The following DLG4 variants were observed in gnomAD, a reference collection of about 807,000 sequenced individuals.
The protein encoded by DLG4 is disks large homolog 4.
DLG4 carries 7 observed loss-of-function variants against 93.8 expected under a neutral mutation model. That is an observed-to-expected ratio of 0.07 (90% confidence interval 0.04 to 0.14). DLG4 has a LOEUF of 0.14. Among genes scored for constraint, DLG4 ranks in the 10% least tolerant of loss-of-function variants. DLG4 has a pLI of 1.00. For missense variants in DLG4, 545 were observed against 992.9 expected (o/e 0.55, Z 6.06); for synonymous variants, 341 against 387.6 (o/e 0.88, Z 1.41).
At position 7,191,882 on chromosome 17, in the gene DLG4, AC is replaced by A; in HGVS notation, c.1976+10del. On this transcript the variant is annotated intron_variant, in intron 18 of 19. Coordinates refer to ENST00000399506, the MANE Select transcript of DLG4 (RefSeq NM_001321075.3). This position sits in a 1 kb window ranked among gnomAD's most constrained non-coding sequence, Gnocchi z 6.6. Reference sequence around the variant, plus strand: ...GGGGAGCAAAGGGGAGGCCCCCAGGACCATACTCACAGCACATTCTCCAGGG... The same window carrying A: ...GGGGAGCAAAGGGGAGGCCCCCAGGACATACTCACAGCACATTCTCCAGGG... 1.4e-6 allele frequency: 2 copies of A among 1,460,664 alleles called. No homozygotes were observed. Among genetic ancestry groups the A allele is most frequent in the South Asian group, 1.5e-5 (1 of 65,810 alleles). The allele number at this position is 1,460,664 out of a possible 1,614,324, so 90.5% of individuals were successfully genotyped here.
rs1395359044 is a variant in DLG4, at chr17:7,203,051, G to A, written c.643-4C>T. 6.3e-7 allele frequency: 1 copy of A among 1,598,498 alleles called. No homozygotes were observed. The highest frequency in any genetic ancestry group is 1.3e-5 in the African/African-American group (1 of 74,688). ...CCTCTAGCCCCACACTGTTGACCTG[G>A]AGTCAAGGAAAGCAAAGCTCAGACA... On this transcript the variant is annotated splice_polypyrimidine_tract_variant and splice_region_variant and intron_variant, in intron 7 of 19. Coordinates refer to ENST00000399506, the MANE Select transcript of DLG4 (RefSeq NM_001321075.3). This position sits in a 1 kb window ranked among gnomAD's most constrained non-coding sequence, Gnocchi z 7.2.
rs1337726818 is a variant in DLG4, at chr17:7,217,397, C to T, written c.-250G>A. The T allele has an allele frequency of 2.0e-5, 6 of 301,800 alleles. No individual in the cohort carries two copies. The highest frequency in any genetic ancestry group is 8.7e-5 in the Admixed American group (1 of 11,548). The allele number at this position is 301,800 out of a possible 1,614,324, so 18.7% of individuals were successfully genotyped here. A position where few individuals can be genotyped will look rare whatever the true frequency, so the allele number is the denominator to read the frequency against. On this transcript the variant is annotated 5_prime_UTR_variant, in exon 1 of 20. Coordinates refer to ENST00000399506, the MANE Select transcript of DLG4 (RefSeq NM_001321075.3). ...GGGAGGGGGCTTGGGGAGCACACCCCGATTCTCAGGAGGGGCGGGGGCACC... is the reference window on the plus strand; with the variant it reads ...GGGAGGGGGCTTGGGGAGCACACCCTGATTCTCAGGAGGGGCGGGGGCACC...
chr17:7,208,683 T>C lies in DLG4; in HGVS notation c.31-444A>G, dbSNP rs998902483. 2.0e-5 allele frequency among the ~76,000 whole-genome samples: 3 copies of C among 151,894 alleles called. No individual in the cohort carries two copies. The highest frequency in any genetic ancestry group is 2.9e-5 in the Non-Finnish European group (2 of 67,952). ...TCTCTCACCATCTCAGACTCACTCT[T>C]GTTCTAGCCTCCCCTCCCCTACCCC... On this transcript the variant is annotated intron_variant, in intron 1 of 19. Coordinates refer to ENST00000399506, the MANE Select transcript of DLG4 (RefSeq NM_001321075.3). This position sits in a 1 kb window ranked among gnomAD's most constrained non-coding sequence, Gnocchi z 5.4.
rs1251170853 is a variant in DLG4, at chr17:7,195,077, C to T, written c.1302-582G>A. On this transcript the variant is annotated intron_variant, in intron 11 of 19. Coordinates refer to ENST00000399506, the MANE Select transcript of DLG4 (RefSeq NM_001321075.3). The surrounding 1 kb of genome is among the most constrained non-coding windows in gnomAD (Gnocchi z 4.3). ...CAGAAAGCAGTGTGCAGTACACACG[C>T]ACATCATAAAGTCACAGGGGTAACC... is the stretch of plus-strand genomic sequence containing the variant. Among the ~76,000 whole-genome samples the T allele has an allele frequency of 1.3e-5, 2 of 151,756 alleles. No individual in the cohort carries two copies. The highest frequency in any genetic ancestry group is 6.6e-5 in the Admixed American group (1 of 15,226).
In DLG4 at chr17:7,195,278, C is replaced by T. The variant is rs904961617; in HGVS notation, c.1302-783G>A. On this transcript the variant is annotated intron_variant, in intron 11 of 19. Coordinates refer to ENST00000399506, the MANE Select transcript of DLG4 (RefSeq NM_001321075.3). This position sits in a 1 kb window ranked among gnomAD's most constrained non-coding sequence, Gnocchi z 4.3. ...TGGAGAGGAGGGAGGAGACCCCGGG[C>T]CCCCTGGAAGTGTGACAACCAGATG... Among the ~76,000 whole-genome samples the T allele has an allele frequency of 5.4e-4, 82 of 152,074 alleles. No individual in the cohort carries two copies. The highest frequency in any genetic ancestry group is 2.7e-3 in the Admixed American group (41 of 15,264).
rs545979443 is a variant in DLG4, at chr17:7,191,737, A to G, written c.1976+156T>C. On this transcript the variant is annotated intron_variant, in intron 18 of 19. Coordinates refer to ENST00000399506, the MANE Select transcript of DLG4 (RefSeq NM_001321075.3). The surrounding 1 kb of genome is among the most constrained non-coding windows in gnomAD (Gnocchi z 6.6). ...GGCAGGAGAGGAGGGGAAAGACCCG[A>G]TTCCCCCACATCCTCTGGGTTCCAG... The G allele has an allele frequency of 3.8e-5, 22 of 582,588 alleles. No homozygotes were observed. Among genetic ancestry groups the G allele is most frequent in the Admixed American group, 1.6e-4 (5 of 31,012 alleles). The allele number at this position is 582,588 out of a possible 1,614,324, so 36.1% of individuals were successfully genotyped here.
At chr17:7,192,193 G>A (rs1333523725) in intron 17 of DLG4, 191 bp from the exon 18 acceptor site, 4 of 440,578 alleles carry the variant, frequency 9.1e-6, no homozygotes, top group Non-Finnish European at 1.6e-5. Flanking sequence ...AAAGACAGAG[G>A]GAAAGGAAAG....
chr17:7,198,326 T>C (rs180716005), intron 8 of DLG4, among the ~76,000 whole-genome samples: 1 of 151,632 alleles, frequency 6.6e-6, no homozygotes, highest in Admixed American at 6.6e-5. Context: ...CTACTAAAAA[T>C]ACAAAAATAG....
At chr17:7,201,554 T>C (rs1398089327) in intron 8 of DLG4, among the ~76,000 whole-genome samples, 1 of 152,162 alleles carries the variant, frequency 6.6e-6, no homozygotes, top group Non-Finnish European at 1.5e-5. Context: ...TGAAGAATAA[T>C]AGCAGTGGGA....
At chr17:7,215,259 C>A (rs1199921059) in intron 1 of DLG4, among the ~76,000 whole-genome samples, 1 of 152,230 alleles carries the variant, frequency 6.6e-6, no homozygotes, top group Non-Finnish European at 1.5e-5. Context: ...ACCCCAAATG[C>A]ATGATCTGCT....
chr17:7,190,963 C>CTTTTTT (rs35868661), intron 19 of DLG4, 149 bp from the exon 20 acceptor site: 103 of 348,370 alleles, frequency 3.0e-4, no homozygotes, highest in South Asian at 5.0e-4. Flanking sequence ...AGGGGCACCT[C>CTTTTTT]TTTTTTTTTT....
intron 1 of DLG4, among the ~76,000 whole-genome samples, chr17:7,213,095 C>CTTTTTTTT (rs746009346): frequency 2.5e-5 from 2 of 80,858 alleles, no homozygotes; most frequent in Non-Finnish European, 5.7e-5. Flanking sequence ...TTCTTTCTTT[C>CTTTTTTTT]TTTTTTTTTT....
upstream of DLG4, chr17:7,219,802 T>G (rs1597514078): frequency 2.6e-6 from 4 of 1,524,418 alleles, no homozygotes; most frequent in Non-Finnish European, 2.6e-6. Flanking sequence ...TCCCTCTAAG[T>G]CAGCGGAACG....
At position 7,191,243 on chromosome 17, in the gene DLG4, G is replaced by A; in HGVS notation, c.2068+24C>T. 6.2e-7 allele frequency: 1 copy of A among 1,611,728 alleles called. No individual in the cohort carries two copies. The highest frequency in any genetic ancestry group is 8.5e-7 in the Non-Finnish European group (1 of 1,178,042). ...CCGAGCAAGGGCACCCTACATGCTG[G>A]CAACAGCCTTGCTGTGGCCTCACCT... On this transcript the variant is annotated intron_variant, in intron 19 of 19. Coordinates refer to ENST00000399506, the MANE Select transcript of DLG4 (RefSeq NM_001321075.3). This position sits in a 1 kb window ranked among gnomAD's most constrained non-coding sequence, Gnocchi z 6.6.
upstream of DLG4, chr17:7,218,430 C>T: frequency 2.2e-6 from 3 of 1,383,612 alleles, no homozygotes; most frequent in Non-Finnish European, 3.0e-6. Flanking sequence ...ATAGGCAGGA[C>T]CCTGCATGGT....
At chr17:7,190,963 C>CTT (rs35868661) in intron 19 of DLG4, 149 bp from the exon 20 acceptor site, 15,240 of 334,624 alleles carry the variant, frequency 0.046, 57 homozygotes, top group South Asian at 0.08. Context: ...AGGGGCACCT[C>CTT]TTTTTTTTTT....
rs562206382 is a variant in DLG4, at chr17:7,188,524, G to A, written c.*2184C>T. On this transcript the variant is annotated 3_prime_UTR_variant, in exon 20 of 20. Coordinates refer to ENST00000399506, the MANE Select transcript of DLG4 (RefSeq NM_001321075.3). ...AAAGGTTCATCTGTGCCAAACACAT[G>A]AAGAAGGCAGAAGGCTGAGAGTCAC... is the stretch of plus-strand genomic sequence containing the variant. Among the ~76,000 whole-genome samples the A allele has an allele frequency of 6.6e-6, 1 of 152,288 alleles. No homozygotes were observed. Among genetic ancestry groups the A allele is most frequent in the South Asian group, 2.1e-4 (1 of 4,824 alleles).
At chr17:7,218,791 G>T, upstream of DLG4, 3 of 1,612,314 alleles carry the variant, frequency 1.9e-6, no homozygotes, top group Non-Finnish European at 2.5e-6. Flanking sequence ...CCCCCACTTC[G>T]CTCCCAGACC....
Position 7,191,758 on chromosome 17 carries a change from T to C in DLG4, c.1976+135A>G. On this transcript the variant is annotated intron_variant, in intron 18 of 19. Coordinates refer to ENST00000399506, the MANE Select transcript of DLG4 (RefSeq NM_001321075.3). The surrounding 1 kb of genome is among the most constrained non-coding windows in gnomAD (Gnocchi z 6.6). ...CCCGATTCCCCCACATCCTCTGGGT[T>C]CCAGGGATCCCCCTCAGGGGCTGCT... The C allele has an allele frequency of 1.6e-6, 1 of 634,818 alleles. No individual in the cohort carries two copies. The highest frequency in any genetic ancestry group is 2.6e-4 in the Middle Eastern group (1 of 3,816). The allele number at this position is 634,818 out of a possible 1,614,324, so 39.3% of individuals were successfully genotyped here. A position where few individuals can be genotyped will look rare whatever the true frequency, so the allele number is the denominator to read the frequency against.
Sources: allele counts gnomAD v4.1 joint callset (sites outside exome capture counted in the v4.1 genomes callset), GRCh38; gene constraint gnomAD v4.1.1; non-coding constraint Gnocchi (gnomAD v3.1); transcripts MANE v1.5; gene names NCBI Gene and HGNC (gene_info 2026-07-23, HGNC 2026-07-21).